ADGRG2: variants seen among roughly 807,000 people sequenced by gnomAD.
The protein encoded by ADGRG2 is G protein-coupled receptor 64.
A neutral mutation model predicts 74.1 loss-of-function variants in ADGRG2; 26 were observed. The ratio of observed to expected loss-of-function variants is 0.35; its 90% CI spans 0.26 to 0.49. The LOEUF is 0.49. ADGRG2 is among the 20% of genes least tolerant of loss of function. The pLI is 0.99. For synonymous variants in ADGRG2, 296 were observed against 295.2 expected (o/e 1.00, Z -0.03); for missense variants, 619 against 763.1 (o/e 0.81, Z 2.22).
chrX:19,118,105 C>T (rs2062555239), intron 1 of ADGRG2, among the ~76,000 whole-genome samples: 5 of 111,835 alleles, frequency 4.5e-5, no homozygotes, highest in Non-Finnish European at 9.4e-5. Flanking sequence ...GTAGCAACTA[C>T]TACTCAACAT....
At chrX:19,118,833 T>G (rs779486026) in intron 1 of ADGRG2, among the ~76,000 whole-genome samples, 1 of 112,698 alleles carries the variant, frequency 8.9e-6, no homozygotes, top group Non-Finnish European at 1.9e-5. Context: ...GGTGAGTGGA[T>G]AAACAAACTT....
At chrX:19,011,899 A>G (rs777151664) in intron 16 of ADGRG2, among the ~76,000 whole-genome samples, 1 of 112,141 alleles carries the variant, frequency 8.9e-6, no homozygotes, top group Non-Finnish European at 1.9e-5. Context: ...TGTAAGTCTG[A>G]TTTTTAATAG....
Position 18,990,743 on chromosome X carries a change from G to T in ADGRG2, c.*121C>A. The T allele has an allele frequency of 2.1e-6, 1 of 477,745 alleles. No homozygotes were observed. The highest frequency in any genetic ancestry group is 3.7e-5 in the Admixed American group (1 of 26,723). 39.4% of individuals were successfully genotyped at this position (477,745 alleles called of 1,213,427 possible). On this transcript the variant is annotated 3_prime_UTR_variant, in exon 29 of 29. Coordinates refer to ENST00000379869, the MANE Select transcript of ADGRG2 (RefSeq NM_001079858.3). ...TAATCATCGCCCTTAATTAGCTTATGCTTCTCCAGATGTTGCCGAGAATAA... is the reference window on the plus strand; with the variant it reads ...TAATCATCGCCCTTAATTAGCTTATTCTTCTCCAGATGTTGCCGAGAATAA...
chrX:19,110,297 T>C (rs1337653538), intron 1 of ADGRG2, among the ~76,000 whole-genome samples: 1 of 110,869 alleles, frequency 9.0e-6, no homozygotes, highest in African/African-American at 3.3e-5. Flanking sequence ...GGTGAGATGA[T>C]ATAGAAGGTA....
Position 19,040,136 on chromosome X carries a change from T to C in ADGRG2, c.154+53A>G, listed in dbSNP as rs1462703008. 13 of 838,125 alleles carry C rather than the reference T, an allele frequency of 1.6e-5. No individual in the cohort carries two copies. In the Admixed American group the frequency reaches 3.0e-4, roughly 19 times the overall value. The allele number at this position is 838,125 out of a possible 1,213,427, so 69.1% of individuals were successfully genotyped here. On this transcript the variant is annotated intron_variant, in intron 4 of 28. Coordinates refer to ENST00000379869, the MANE Select transcript of ADGRG2 (RefSeq NM_001079858.3). ...CTACATGCCATGTTTCATAGAGAAC[T>C]TACAGAATAATATTTTCCTGAAATT...
At chrX:19,084,936 C>A (rs2061915069) in intron 1 of ADGRG2, among the ~76,000 whole-genome samples, 1 of 112,580 alleles carries the variant, frequency 8.9e-6, no homozygotes, top group Admixed American at 9.4e-5. Flanking sequence ...GGGAAATAAA[C>A]ACCTGCATAC....
In ADGRG2 at chrX:18,989,581, C is replaced by T. The variant is rs1200409087; in HGVS notation, c.*1283G>A. On this transcript the variant is annotated 3_prime_UTR_variant, in exon 29 of 29. Transcript: ENST00000379869. The stretch of plus-strand genomic sequence containing the variant: ...TGCTCAAGCAGATGTAGGTAGGAAG[C>T]AAGATAGACCCTGTATATAACTAGG... 9.0e-6 allele frequency: 1 copy of T among 111,494 alleles called. No homozygotes were observed. The highest frequency in any genetic ancestry group is 1.9e-5 in the Non-Finnish European group (1 of 53,110). The allele number at this position is 111,494 out of a possible 1,213,427, so 9.2% of individuals were successfully genotyped here.
intron 9 of ADGRG2, among the ~76,000 whole-genome samples, chrX:19,028,478 G>A: frequency 9.0e-6 from 1 of 111,401 alleles, no homozygotes; most frequent in Middle Eastern, 4.7e-3. Context: ...TTTTATTCCT[G>A]GGGACTTTGA....
chrX:19,036,537 A>G (rs1177379991), intron 6 of ADGRG2: 1 of 110,355 alleles, frequency 9.1e-6, no homozygotes, highest in African/African-American at 3.3e-5. Context: ...ATTTCTTTAA[A>G]TCCAAATCAT....
chrX:19,068,806 T>A lies in ADGRG2; in HGVS notation c.29A>T (p.His10Leu), dbSNP rs1256830902. Residue 10 changes from histidine (H) to leucine (L), a missense_variant, in exon 3 of 29, where the codon CAT becomes CTT. Physicochemically the swap from His to Leu is moderately conservative, Grantham distance 99. Transcript: ENST00000379869. ...TAAAACTTCTTCAGTTCTGCCAACA[T>A]GGCCACACTGCCTGACAGAGAAAAC... MVFSVRQCG[H>L]VGRTEEVLLT... 3.5e-6 allele frequency: 4 copies of A among 1,134,064 alleles called. No individual in the cohort carries two copies. Among genetic ancestry groups the A allele is most frequent in the South Asian group, 3.8e-5 (2 of 52,128 alleles). The allele number at this position is 1,134,064 out of a possible 1,213,427, so 93.5% of individuals were successfully genotyped here.
intron 1 of ADGRG2, among the ~76,000 whole-genome samples, chrX:19,097,530 G>C (rs2062118376): frequency 8.9e-6 from 1 of 112,217 alleles, no homozygotes; most frequent in Non-Finnish European, 1.9e-5. Flanking sequence ...AAAGGCATCT[G>C]TTCTTTAAAC....
intron 3 of ADGRG2, among the ~76,000 whole-genome samples, chrX:19,041,008 A>G (rs1010350741): frequency 3.6e-5 from 4 of 111,176 alleles, no homozygotes; most frequent in Non-Finnish European, 7.5e-5. Flanking sequence ...ACATATATAC[A>G]GATACATGCA....
intron 11 of ADGRG2, among the ~76,000 whole-genome samples, chrX:19,025,517 G>A (rs1024211797): frequency 9.0e-6 from 1 of 111,287 alleles, no homozygotes; most frequent in Non-Finnish European, 1.9e-5. Context: ...GACCTTAAAT[G>A]AACTCAGTTC....
In ADGRG2 at chrX:18,991,276, G is replaced by GT. The variant is rs367686495; in HGVS notation, c.2870-229dup. 6.3e-3 allele frequency among the ~76,000 whole-genome samples: 674 copies of GT among 107,098 alleles called. 5 individuals carry two copies. Among genetic ancestry groups the GT allele is most frequent in the African/African-American group, 0.02 (599 of 29,739 alleles). 93.0% of individuals were successfully genotyped at this position (107,098 alleles called of 115,157 possible). On this transcript the variant is annotated intron_variant, in intron 28 of 28. Coordinates refer to ENST00000379869, the MANE Select transcript of ADGRG2 (RefSeq NM_001079858.3). ...CTTCAGAAACCAGTTCTCTATGGCA[G>GT]TTTTTTTTTTGTTTGGTTTTTAATG...
chrX:19,036,198 G>C (rs1035165184), intron 6 of ADGRG2: 1 of 298,865 alleles, frequency 3.3e-6, no homozygotes, highest in Non-Finnish European at 5.8e-6. Flanking sequence ...TGATTCAAAT[G>C]CAAGTTACAT....
At chrX:18,994,831 A>G in intron 28 of ADGRG2, 65 bp downstream of exon 28, 2 of 941,493 alleles carry the variant, frequency 2.1e-6, no homozygotes, top group Admixed American at 6.2e-5. Context: ...AAATGCCAAT[A>G]AAGGATAAAA....
At chrX:19,059,159 C>CGCCTGG (rs1326018092) in intron 3 of ADGRG2, among the ~76,000 whole-genome samples, 1 of 111,289 alleles carries the variant, frequency 9.0e-6, no homozygotes, top group Non-Finnish European at 1.9e-5. Flanking sequence ...GAATAGGCAC[C>CGCCTGG]GCATTCCAGC....
intron 24 of ADGRG2, among the ~76,000 whole-genome samples, chrX:19,002,462 C>A (rs1256139604): frequency 8.9e-6 from 1 of 111,977 alleles, no homozygotes; most frequent in African/African-American, 3.2e-5. Flanking sequence ...TAGAATGAGG[C>A]TGGCTGGGAG....
chrX:19,004,397 T>C (rs1376162327), intron 23 of ADGRG2, among the ~76,000 whole-genome samples: 1 of 112,540 alleles, frequency 8.9e-6, no homozygotes, highest in Non-Finnish European at 1.9e-5. Flanking sequence ...AATTTAGAAA[T>C]GTAATTTATT....
Sources: gnomAD v4.1 joint callset for allele counts (sites outside exome capture counted in the v4.1 genomes callset) on GRCh38, gnomAD v4.1.1 for gene constraint, MANE v1.5 for transcripts, NCBI Gene and HGNC (gene_info 2026-07-23, HGNC 2026-07-21) for gene names.